Variants in THSD4 observed in about 807,000 individuals in gnomAD.
THSD4 encodes thrombospondin type 1 domain containing 4.
Under a neutral mutation model 119.0 loss-of-function variants are expected in THSD4, and 69 were observed. That is an observed-to-expected ratio of 0.58 (90% CI 0.48 to 0.71). The LOEUF is 0.71. Ranked by LOEUF, THSD4 falls within the 30% of genes least tolerant of loss-of-function variation. The probability of loss-of-function intolerance (pLI) is 0.00; values close to 1 mark genes in which losing one functional copy is unlikely to be tolerated. For missense variants in THSD4, 1,393 were observed against 1,391.1 expected (o/e 1.00, Z -0.02); for synonymous variants, 524 against 540.4 (o/e 0.97, Z 0.42).
intron 8 of THSD4, among the ~76,000 whole-genome samples, chr15:71,725,820 TTC>T (rs1346392635): frequency 6.6e-6 from 1 of 152,108 alleles, no homozygotes; most frequent in Non-Finnish European, 1.5e-5. Context: ...CCTTTTTTTT[TTC>T]TGAGACTGGA....
At chr15:71,467,865 T>C (rs2099808) in intron 7 of THSD4, among the ~76,000 whole-genome samples, 12,486 of 151,092 alleles carry the variant, frequency 0.083, 643 homozygotes, top group Admixed American at 0.19. Flanking sequence ...TTTTCTTTTT[T>C]TGAGACGGAG....
chr15:71,777,439 G>A lies in THSD4; in HGVS notation c.*65G>A. 6.5e-7 allele frequency: 1 copy of A among 1,546,916 alleles called. No homozygotes were observed. Among genetic ancestry groups the A allele is most frequent in the Non-Finnish European group, 8.7e-7 (1 of 1,148,454 alleles). ...TCCCGGGGGCTTCAGCAGTGCGCCT[G>A]GCTGGCTGCTGCTCCACCACGGGCC... On this transcript the variant is annotated 3_prime_UTR_variant, in exon 18 of 18. Transcript: ENST00000261862.
intron 6 of THSD4, among the ~76,000 whole-genome samples, chr15:71,377,898 A>C (rs112278367): frequency 4.1e-4 from 36 of 86,854 alleles, no homozygotes; most frequent in South Asian, 1.8e-3. Flanking sequence ...ACACACACAC[A>C]CACACACACA....
intron 8 of THSD4, among the ~76,000 whole-genome samples, chr15:71,674,667 C>T (rs2051602882): frequency 6.6e-6 from 1 of 152,134 alleles, no homozygotes; most frequent in East Asian, 1.9e-4. Flanking sequence ...AGGCCTTTTC[C>T]CTATGTCAGT....
intron 7 of THSD4, among the ~76,000 whole-genome samples, chr15:71,649,164 A>G (rs1030550640): frequency 6.6e-6 from 1 of 152,128 alleles, no homozygotes; most frequent in African/African-American, 2.4e-5. Context: ...GCTCTTCTCC[A>G]CCATCTCCTA....
intron 7 of THSD4, among the ~76,000 whole-genome samples, chr15:71,479,470 G>T (rs562977763): frequency 1.1e-4 from 16 of 152,158 alleles, no homozygotes; most frequent in Admixed American, 8.5e-4. Context: ...AAGGATCAAG[G>T]ACAAATGAAG....
At chr15:71,748,126 G>A (rs2053374929) in intron 13 of THSD4, among the ~76,000 whole-genome samples, 1 of 152,162 alleles carries the variant, frequency 6.6e-6, no homozygotes, top group African/African-American at 2.4e-5. Context: ...TCATGGCCAG[G>A]AAATCCATTT....
intron 10 of THSD4, among the ~76,000 whole-genome samples, chr15:71,735,403 C>T (rs2053063571): frequency 6.6e-6 from 1 of 152,076 alleles, no homozygotes; most frequent in East Asian, 1.9e-4. Flanking sequence ...CCCAAGACTC[C>T]AGACTCCTAC....
intron 7 of THSD4, among the ~76,000 whole-genome samples, chr15:71,426,696 G>T (rs559906786): frequency 2.6e-5 from 4 of 152,068 alleles, no homozygotes; most frequent in Non-Finnish European, 4.4e-5. Flanking sequence ...GTGACTCTTT[G>T]TGGACTCTCT....
intron 11 of THSD4, among the ~76,000 whole-genome samples, chr15:71,738,404 C>A (rs1226533738): frequency 2.0e-5 from 3 of 152,142 alleles, no homozygotes; most frequent in Non-Finnish European, 4.4e-5. Context: ...AAACCCTCAC[C>A]TCTGTGAGCC....
chr15:71,637,072 A>G (rs969840238), intron 7 of THSD4, among the ~76,000 whole-genome samples: 1 of 152,004 alleles, frequency 6.6e-6, no homozygotes, highest in Non-Finnish European at 1.5e-5. Context: ...TTTTTGGTAG[A>G]GACGGGGTTT....
intron 7 of THSD4, among the ~76,000 whole-genome samples, chr15:71,565,090 T>G (rs1174973327): frequency 6.6e-6 from 1 of 152,200 alleles, no homozygotes; most frequent in Admixed American, 6.5e-5. Flanking sequence ...AATCTTGGAA[T>G]CTTGAATACA....
At chr15:71,295,530 A>G (rs1215619728) in intron 6 of THSD4, among the ~76,000 whole-genome samples, 1 of 152,200 alleles carries the variant, frequency 6.6e-6, no homozygotes, top group Middle Eastern at 3.2e-3. Flanking sequence ...GACACAGATC[A>G]GAGGCAATCT....
At position 71,753,302 on chromosome 15, in the gene THSD4, C is replaced by G. The variant is rs533380368; in HGVS notation, c.2416-4600C>G. Among the ~76,000 whole-genome samples, 14 of 152,272 alleles carry G rather than the reference C, an allele frequency of 9.2e-5. No individual in the cohort carries two copies. The South Asian group carries it at 2.9e-3, about 32-fold the overall frequency. On this transcript the variant is annotated intron_variant, in intron 14 of 17. Coordinates refer to ENST00000261862, the MANE Select transcript of THSD4 (RefSeq NM_024817.3). ...TACAAATCAATGATAGGTTTAAGCC[C>G]ATGTGCAATTTTTAATCACAACAGG...
chr15:71,318,042 C>T (rs923407559), intron 6 of THSD4, among the ~76,000 whole-genome samples: 4 of 152,088 alleles, frequency 2.6e-5, no homozygotes, highest in Non-Finnish European at 5.9e-5. Context: ...GCTTCTTGCC[C>T]AACACCCACC....
chr15:71,747,365 C>A (rs2053360330), intron 13 of THSD4, among the ~76,000 whole-genome samples: 1 of 152,156 alleles, frequency 6.6e-6, no homozygotes, highest in Non-Finnish European at 1.5e-5. Context: ...ATTTTCCCTA[C>A]CCATTTTATA....
intron 7 of THSD4, among the ~76,000 whole-genome samples, chr15:71,574,160 G>A (rs2049406890): frequency 6.6e-6 from 1 of 152,186 alleles, no homozygotes; most frequent in South Asian, 2.1e-4. Context: ...GTCTGATGGT[G>A]AGCCACAGCC....
chr15:71,581,781 A>G (rs1013346713), intron 7 of THSD4, among the ~76,000 whole-genome samples: 1 of 152,116 alleles, frequency 6.6e-6, no homozygotes, highest in African/African-American at 2.4e-5. Flanking sequence ...TTCTTTCTCC[A>G]TTGTGTGTTC....
chr15:71,292,184 T>C (rs953563234), intron 6 of THSD4, among the ~76,000 whole-genome samples: 6 of 152,328 alleles, frequency 3.9e-5, no homozygotes, highest in African/African-American at 1.2e-4. Context: ...GCCATCCTGA[T>C]GCTCTTTGTT....
Sources: allele counts gnomAD v4.1 joint callset (sites outside exome capture counted in the v4.1 genomes callset), GRCh38; gene constraint gnomAD v4.1.1; transcripts MANE v1.5; gene names NCBI Gene and HGNC (gene_info 2026-07-23, HGNC 2026-07-21).